The following TBC1D4 variants were observed in gnomAD, a reference collection of about 807,000 sequenced individuals.
The protein encoded by TBC1D4 is TBC1 domain family member 4.
TBC1D4 carries 121 observed loss-of-function variants against 142.5 expected under a neutral mutation model. The ratio of observed to expected loss-of-function variants is 0.85; its 90% CI spans 0.73 to 0.99. TBC1D4 has a LOEUF of 0.99. Ranked by LOEUF, TBC1D4 falls within the 50% of genes least tolerant of loss-of-function variation. TBC1D4 has a pLI of 0.00. For missense variants in TBC1D4, 1,475 were observed against 1,606.6 expected, an observed-to-expected ratio of 0.92 and a Z score of 1.40; for synonymous variants, 630 against 628.2, an observed-to-expected ratio of 1.00 and a Z score of -0.04.
chr13:75,365,401 C>T (rs1443692342), intron 1 of TBC1D4, among the ~76,000 whole-genome samples: 1 of 151,216 alleles, frequency 6.6e-6, no homozygotes, highest in African/African-American at 2.4e-5. Flanking sequence ...CAGCCCCTGA[C>T]TACTCACTTA....
chr13:75,392,122 G>A (rs1490037589), intron 1 of TBC1D4, among the ~76,000 whole-genome samples: 1 of 151,914 alleles, frequency 6.6e-6, no homozygotes, highest in African/African-American at 2.4e-5. Flanking sequence ...GTCTTCCCAT[G>A]ATAAAACAGA....
At chr13:75,344,389 G>T (rs1191469308) in intron 5 of TBC1D4, among the ~76,000 whole-genome samples, 1 of 152,164 alleles carries the variant, frequency 6.6e-6, no homozygotes, top group Non-Finnish European at 1.5e-5. Flanking sequence ...TCAAAGAATT[G>T]GAATTGGCTG....
rs753970216 is a variant in TBC1D4, at chr13:75,341,511, G to C, written c.1485C>G (p.Ile495Met). The change falls in exon 6 of 21, where the codon ATC (isoleucine) becomes ATG (methionine). Residue 495 changes from isoleucine to methionine, a missense_variant. This residue lies in a region of TBC1D4 where 1,227 missense variants were observed against 1,267.7 expected (regional missense o/e 0.97). Coordinates refer to ENST00000377636, the MANE Select transcript of TBC1D4 (RefSeq NM_014832.5). The stretch of plus-strand genomic sequence containing the variant: ...ATAATGTTACCTGAACTCTTTCAAA[G>C]ATGTCAGCTTGCTCATTATCTGTCA... Reference protein sequence around the residue: ...SSLTDNEQADIFERVQKMKPV... With the variant: ...SSLTDNEQADMFERVQKMKPV... 11 of 1,613,916 alleles carry C rather than the reference G, an allele frequency of 6.8e-6. No individual in the cohort carries two copies. Among genetic ancestry groups the C allele is most frequent in the Non-Finnish European group, 7.6e-6 (9 of 1,179,948 alleles).
intron 1 of TBC1D4, among the ~76,000 whole-genome samples, chr13:75,404,726 T>C (rs1009869609): frequency 2.0e-5 from 3 of 152,224 alleles, no homozygotes; most frequent in African/African-American, 4.8e-5. Context: ...TTCTTCTAAC[T>C]TATCTAAATC....
At chr13:75,478,980 T>C (rs1205819663) in intron 1 of TBC1D4, among the ~76,000 whole-genome samples, 1 of 152,222 alleles carries the variant, frequency 6.6e-6, no homozygotes, top group Admixed American at 6.5e-5. Flanking sequence ...GCCAGTACTT[T>C]AAAATGCGGG....
chr13:75,341,342 G>C, intron 6 of TBC1D4, 107 bp from the exon 7 acceptor site: 1 of 1,312,420 alleles, frequency 7.6e-7, no homozygotes, highest in Non-Finnish European at 1.1e-6. Flanking sequence ...ACTTCGCTCA[G>C]AAGCAAAAGT....
chr13:75,381,708 T>C (rs929422321), intron 1 of TBC1D4, among the ~76,000 whole-genome samples: 3 of 152,336 alleles, frequency 2.0e-5, no homozygotes, highest in African/African-American at 7.2e-5. Flanking sequence ...ATTTATTGAA[T>C]TTCTTCTCAG....
At position 75,285,599 on chromosome 13, in the gene TBC1D4, T is replaced by G. The variant is rs1029577997; in HGVS notation, c.*1193A>C. Reference sequence around the variant, plus strand: ...TGAAATGCAGAATTGCAGGTTTTAGTTGAGCTGGTAACACTGGTACCACTT... The same window carrying G: ...TGAAATGCAGAATTGCAGGTTTTAGGTGAGCTGGTAACACTGGTACCACTT... On this transcript the variant is annotated 3_prime_UTR_variant, in exon 21 of 21. Transcript: ENST00000377636. 3.9e-5 allele frequency: 6 copies of G among 152,678 alleles called. No individual in the cohort carries two copies. The highest frequency in any genetic ancestry group is 1.4e-4 in the African/African-American group (6 of 41,472). 9.5% of individuals were successfully genotyped at this position (152,678 alleles called of 1,614,324 possible).
At chr13:75,458,557 C>A (rs147814133) in intron 1 of TBC1D4, among the ~76,000 whole-genome samples, 331 of 152,228 alleles carry the variant, frequency 2.2e-3, no homozygotes, top group Middle Eastern at 6.8e-3. Flanking sequence ...GATGGGGAAC[C>A]GCCCTCTTTT....
chr13:75,478,675 T>C (rs1025435465), intron 1 of TBC1D4, among the ~76,000 whole-genome samples: 2 of 152,212 alleles, frequency 1.3e-5, no homozygotes, highest in East Asian at 1.9e-4. Context: ...GATGATAATA[T>C]GTTGAACTGA....
chr13:75,372,733 A>G (rs1315404328), intron 1 of TBC1D4, among the ~76,000 whole-genome samples: 3 of 152,212 alleles, frequency 2.0e-5, no homozygotes, highest in African/African-American at 7.2e-5. Context: ...ATAAAATATT[A>G]TTACTACTGC....
At chr13:75,378,317 A>T (rs1593814331) in intron 1 of TBC1D4, among the ~76,000 whole-genome samples, 1 of 152,198 alleles carries the variant, frequency 6.6e-6, no homozygotes, top group South Asian at 2.1e-4. Flanking sequence ...TGAAAAAAAT[A>T]CAAAAATCAC....
At chr13:75,474,896 C>CA in intron 1 of TBC1D4, among the ~76,000 whole-genome samples, 2 of 152,272 alleles carry the variant, frequency 1.3e-5, no homozygotes, top group East Asian at 3.9e-4. Context: ...CTCAGCCTCC[C>CA]AAAGTGCTGG....
chr13:75,405,729 T>C (rs1244950094), intron 1 of TBC1D4, among the ~76,000 whole-genome samples: 1 of 152,202 alleles, frequency 6.6e-6, no homozygotes, highest in African/African-American at 2.4e-5. Context: ...AAAAAGGTTG[T>C]AAATAATAAT....
At chr13:75,404,059 T>TATATACACACAC (rs781087838) in intron 1 of TBC1D4, among the ~76,000 whole-genome samples, 4 of 73,624 alleles carry the variant, frequency 5.4e-5, no homozygotes, top group Non-Finnish European at 1.1e-4. Context: ...GGGATATATA[T>TATATACACACAC]ACATACACAC....
intron 12 of TBC1D4, among the ~76,000 whole-genome samples, chr13:75,317,133 G>A (rs75163862): frequency 0.025 from 3,874 of 152,248 alleles, 91 homozygotes; most frequent in African/African-American, 0.06. Flanking sequence ...GAAGGAACCA[G>A]GATGCAAACC....
At position 75,299,322 on chromosome 13, in the gene TBC1D4, T is replaced by C. The variant is rs1876271360; in HGVS notation, c.3156+8A>G. On this transcript the variant is annotated splice_region_variant and intron_variant, in intron 17 of 20. Coordinates refer to ENST00000377636, the MANE Select transcript of TBC1D4 (RefSeq NM_014832.5). ...TCACACCTTCCTCGGGAAGCACAAG[T>C]GCCTCACCTGCAGCGACATCATGTC... The C allele has an allele frequency of 6.2e-7, 1 of 1,613,956 alleles. No individual in the cohort carries two copies. The highest frequency in any genetic ancestry group is 2.2e-5 in the East Asian group (1 of 44,868).
chr13:75,373,176 A>G (rs1198300782), intron 1 of TBC1D4, among the ~76,000 whole-genome samples: 1 of 152,198 alleles, frequency 6.6e-6, no homozygotes, highest in Admixed American at 6.5e-5. Context: ...TAAAGCTGTA[A>G]TATTATCAGG....
rs555056595 is a variant in TBC1D4, at chr13:75,344,857, C to T, written c.1409-3270G>A. Among the ~76,000 whole-genome samples, 4 of 152,268 alleles carry T rather than the reference C, an allele frequency of 2.6e-5. No homozygotes were observed. The South Asian group carries it at 6.2e-4, about 24-fold the overall frequency. On this transcript the variant is annotated intron_variant, in intron 5 of 20. Coordinates refer to ENST00000377636, the MANE Select transcript of TBC1D4 (RefSeq NM_014832.5). Reference sequence around the variant, plus strand: ...AATTCTGAATGAGTGAAATAAAATACTACTATCTGGTTTTTTAAAATATCT... The same window carrying T: ...AATTCTGAATGAGTGAAATAAAATATTACTATCTGGTTTTTTAAAATATCT...
Sources: allele counts gnomAD v4.1 joint callset (sites outside exome capture counted in the v4.1 genomes callset), GRCh38; gene constraint gnomAD v4.1.1; regional missense constraint gnomAD v4.1.1; transcripts MANE v1.5; gene names NCBI Gene and HGNC (gene_info 2026-07-23, HGNC 2026-07-21).